The following DNER variants were observed in gnomAD, a reference collection of about 807,000 sequenced individuals.
DNER encodes the protein delta/notch like EGF repeat containing.
DNER carries 33 observed loss-of-function variants against 78.2 expected under a neutral mutation model. That is an observed-to-expected ratio of 0.42 (90% CI 0.32 to 0.56). The LOEUF is 0.56. Ranked by LOEUF, DNER falls within the 20% of genes least tolerant of loss-of-function variation. The pLI is 0.11. For missense variants in DNER, 918 were observed against 975.3 expected (o/e 0.94, Z 0.78); for synonymous variants, 417 against 384.8 (o/e 1.08, Z -0.98).
In DNER at chr2:229,546,974, T is replaced by C. The variant is rs1696641460; in HGVS notation, c.966A>G (p.Lys322=). The change falls in exon 5 of 13, where the codon AAA becomes AAG. Residue 322 remains lysine (K), a synonymous_variant. Coordinates refer to ENST00000341772, the MANE Select transcript of DNER (RefSeq NM_139072.4). ...SHANDLECSG[K]GKCTTKPSEA... The stretch of plus-strand genomic sequence containing the variant: ...CTGACGGCTTCGTGGTGCATTTTCC[T>C]TTTCCTGAACACTCCAAGTCATTTG... The C allele has an allele frequency of 1.9e-6, 3 of 1,614,000 alleles. No homozygotes were observed. The highest frequency in any genetic ancestry group is 2.5e-6 in the Non-Finnish European group (3 of 1,180,006).
At chr2:229,576,190 T>G (rs1574910815) in intron 4 of DNER, among the ~76,000 whole-genome samples, 1 of 152,204 alleles carries the variant, frequency 6.6e-6, no homozygotes, top group Admixed American at 6.5e-5. Flanking sequence ...TCTTAAGTTT[T>G]CAGTGAAAGA....
At chr2:229,430,051 G>C (rs1446802587) in intron 8 of DNER, among the ~76,000 whole-genome samples, 2 of 152,198 alleles carry the variant, frequency 1.3e-5, no homozygotes, top group African/African-American at 4.8e-5. Flanking sequence ...TAGAAAAATA[G>C]AATCAGAGGG....
intron 1 of DNER, among the ~76,000 whole-genome samples, chr2:229,595,762 G>A (rs1574919310): frequency 6.6e-6 from 1 of 152,296 alleles, no homozygotes; most frequent in Admixed American, 6.5e-5. Context: ...CCCTCTGCCG[G>A]GAATGCCTTG....
Position 229,357,948 on chromosome 2 carries a change from C to T in DNER, c.*592G>A, listed in dbSNP as rs966470017. ...TTGAGGCCTAGTTCGACGACTGTTA[C>T]GAAAATGACAAAAACAAACTCGAAA... On this transcript the variant is annotated 3_prime_UTR_variant, in exon 13 of 13. Transcript: ENST00000341772. 3 of 152,524 alleles carry T rather than the reference C, an allele frequency of 2.0e-5. No homozygotes were observed. Among genetic ancestry groups the T allele is most frequent in the Admixed American group, 1.3e-4 (2 of 15,264 alleles). The allele number at this position is 152,524 out of a possible 1,614,324, so 9.4% of individuals were successfully genotyped here. A position where few individuals can be genotyped will look rare whatever the true frequency, so the allele number is the denominator to read the frequency against.
intron 8 of DNER, among the ~76,000 whole-genome samples, chr2:229,441,075 G>T (rs1307413319): frequency 7.0e-6 from 1 of 142,522 alleles, no homozygotes; most frequent in Non-Finnish European, 1.5e-5. Flanking sequence ...CTCCCCACAT[G>T]TGTCCCCATG....
At chr2:229,674,678 T>C (rs1699272957) in intron 1 of DNER, among the ~76,000 whole-genome samples, 1 of 152,196 alleles carries the variant, frequency 6.6e-6, no homozygotes, top group Admixed American at 6.5e-5. Flanking sequence ...CATGTCACCA[T>C]TCATTCACTT....
In DNER at chr2:229,416,293, T is replaced by A. The variant is rs148740894; in HGVS notation, c.1609+1815A>T. Among the ~76,000 whole-genome samples the A allele has an allele frequency of 3.9e-5, 6 of 152,352 alleles. No homozygotes were observed. The East Asian group carries it at 1.2e-3, about 29-fold the overall frequency. On this transcript the variant is annotated intron_variant, in intron 9 of 12. Coordinates refer to ENST00000341772, the MANE Select transcript of DNER (RefSeq NM_139072.4). Reference sequence around the variant, plus strand: ...CTTTCTTCACTTCCTTTCTTGAGTGTTTAGAGCTGTTGTTGCAATTTTTGT... The same window carrying A: ...CTTTCTTCACTTCCTTTCTTGAGTGATTAGAGCTGTTGTTGCAATTTTTGT...
At chr2:229,519,633 A>G (rs1200826622) in intron 5 of DNER, among the ~76,000 whole-genome samples, 1 of 152,042 alleles carries the variant, frequency 6.6e-6, no homozygotes, top group Non-Finnish European at 1.5e-5. Flanking sequence ...ACATTGTCTA[A>G]TTCCAAATCC....
intron 1 of DNER, among the ~76,000 whole-genome samples, chr2:229,630,011 G>A (rs1698407494): frequency 1.3e-5 from 2 of 152,148 alleles, no homozygotes; most frequent in Admixed American, 6.5e-5. Flanking sequence ...TCATCTATAG[G>A]CACAATCTAT....
chr2:229,491,049 C>A (rs1296665849), intron 6 of DNER, among the ~76,000 whole-genome samples: 1 of 152,228 alleles, frequency 6.6e-6, no homozygotes, highest in Non-Finnish European at 1.5e-5. Flanking sequence ...TTCATGCCCT[C>A]AGTGGCTTCC....
intron 4 of DNER, among the ~76,000 whole-genome samples, chr2:229,549,284 C>CA (rs1440862970): frequency 1.3e-5 from 2 of 152,140 alleles, no homozygotes; most frequent in South Asian, 2.1e-4. Context: ...ATCTTGTGTA[C>CA]AAAAAAATTA....
At chr2:229,489,543 G>A (rs567743526) in intron 6 of DNER, among the ~76,000 whole-genome samples, 25 of 148,702 alleles carry the variant, frequency 1.7e-4, no homozygotes, top group African/African-American at 6.1e-4. Flanking sequence ...GGAGGGGGAG[G>A]AAGAGGAAGG....
chr2:229,453,128 T>C (rs1344777068), intron 7 of DNER, among the ~76,000 whole-genome samples: 1 of 152,246 alleles, frequency 6.6e-6, no homozygotes, highest in African/African-American at 2.4e-5. Flanking sequence ...TCTGCTTTTG[T>C]ATCCATGAAA....
intron 5 of DNER, among the ~76,000 whole-genome samples, chr2:229,524,664 G>A (rs1226240914): frequency 6.6e-6 from 1 of 152,102 alleles, no homozygotes; most frequent in Non-Finnish European, 1.5e-5. Flanking sequence ...TTTCCATTAA[G>A]ATTACCCAGC....
intron 4 of DNER, among the ~76,000 whole-genome samples, chr2:229,572,289 C>A (rs1001828005): frequency 4.6e-5 from 7 of 152,182 alleles, no homozygotes; most frequent in Admixed American, 2.6e-4. Context: ...GATGTGAATT[C>A]ATGTAGACCC....
At chr2:229,386,996 A>C (rs1229029797) in intron 11 of DNER, among the ~76,000 whole-genome samples, 3 of 152,224 alleles carry the variant, frequency 2.0e-5, no homozygotes, top group Non-Finnish European at 4.4e-5. Flanking sequence ...AAAGGATTAT[A>C]AATCATTCTA....
At chr2:229,623,713 G>A (rs1448113497) in intron 1 of DNER, among the ~76,000 whole-genome samples, 2 of 152,230 alleles carry the variant, frequency 1.3e-5, no homozygotes, top group African/African-American at 2.4e-5. Context: ...TGTCATTGGA[G>A]TGAGCACTGT....
chr2:229,379,097 T>A (rs755238737), intron 11 of DNER, among the ~76,000 whole-genome samples: 2 of 152,174 alleles, frequency 1.3e-5, no homozygotes, highest in African/African-American at 4.8e-5. Context: ...CGTCCAGGTA[T>A]GCACTGAGAT....
intron 1 of DNER, among the ~76,000 whole-genome samples, chr2:229,668,339 T>G (rs2154216746): frequency 6.6e-6 from 1 of 151,364 alleles, no homozygotes; most frequent in East Asian, 1.9e-4. Flanking sequence ...AGAAACTGTG[T>G]GTATCACTTC....
Sources: gnomAD v4.1 joint callset for allele counts (sites outside exome capture counted in the v4.1 genomes callset) on GRCh38, gnomAD v4.1.1 for gene constraint, MANE v1.5 for transcripts, NCBI Gene and HGNC (gene_info 2026-07-23, HGNC 2026-07-21) for gene names.